RNF38: variants seen among roughly 807,000 people sequenced by gnomAD.
RNF38 encodes ring finger protein 38.
A neutral mutation model predicts 67.2 loss-of-function variants in RNF38; 15 were observed. That is an observed-to-expected ratio of 0.22 (90% CI 0.15 to 0.34). RNF38 has a LOEUF of 0.34. Among genes scored for constraint, RNF38 ranks in the 10% least tolerant of loss-of-function variants. The pLI is 1.00. For missense variants in RNF38, 524 were observed against 639.9 expected, an observed-to-expected ratio of 0.82 and a Z score of 1.95; for synonymous variants, 220 against 218.8, an observed-to-expected ratio of 1.01 and a Z score of -0.05.
At chr9:36,341,867 A>G (rs7025573) in intron 11 of RNF38, among the ~76,000 whole-genome samples, 1 of 2,552 alleles carries the variant, frequency 3.9e-4, no homozygotes, top group Admixed American at 6.8e-3. Flanking sequence ...TATATATATA[A>G]AGAAGCCCCT....
chr9:36,402,787 A>G (rs980776184), upstream of RNF38, among the ~76,000 whole-genome samples: 4 of 152,186 alleles, frequency 2.6e-5, no homozygotes, highest in African/African-American at 9.7e-5. Flanking sequence ...AAACCTCTCA[A>G]ATGGTTACGA....
chr9:36,437,091 C>A (rs897883663), intron 1 of RNF38, among the ~76,000 whole-genome samples: 1 of 152,086 alleles, frequency 6.6e-6, no homozygotes, highest in African/African-American at 2.4e-5. Context: ...GCCACTTGGG[C>A]TGCAGTGGCA....
chr9:36,356,554 T>C, intron 5 of RNF38, 81 bp from the exon 6 acceptor site: 1 of 1,178,048 alleles, frequency 8.5e-7, no homozygotes, highest in Non-Finnish European at 1.2e-6. Context: ...TTAAAATCTG[T>C]CATTGTCACA....
intron 1 of RNF38, among the ~76,000 whole-genome samples, chr9:36,395,708 A>G (rs1837463934): frequency 6.6e-6 from 1 of 152,274 alleles, no homozygotes; most frequent in Non-Finnish European, 1.5e-5. Context: ...ACAAATTATC[A>G]GGTTATATAC....
At chr9:36,342,260 T>C in intron 11 of RNF38, 65 bp downstream of exon 11, 1 of 1,145,064 alleles carries the variant, frequency 8.7e-7, no homozygotes, top group South Asian at 1.2e-5. Flanking sequence ...ATGAACTTAC[T>C]CTAATCCATG....
intron 6 of RNF38, 34 bp downstream of exon 6, chr9:36,356,269 C>T (rs2133560181): frequency 3.1e-6 from 5 of 1,606,124 alleles, no homozygotes; most frequent in Middle Eastern, 3.3e-4. Flanking sequence ...TAGTTAAAAA[C>T]TAAACATTCT....
intron 9 of RNF38, among the ~76,000 whole-genome samples, chr9:36,345,274 C>G (rs957410562): frequency 6.6e-6 from 1 of 152,210 alleles, no homozygotes; most frequent in Non-Finnish European, 1.5e-5. Context: ...ATCCATTACG[C>G]AGGTCAATAG....
intron 8 of RNF38, 67 bp from the exon 9 acceptor site, chr9:36,351,266 G>A (rs1587479214): frequency 1.9e-6 from 2 of 1,063,288 alleles, no homozygotes; most frequent in Non-Finnish European, 1.4e-6. Flanking sequence ...AGGACAGGGA[G>A]GACAGAGGCC....
chr9:36,392,079 T>C (rs1837157508), intron 1 of RNF38, among the ~76,000 whole-genome samples: 1 of 152,166 alleles, frequency 6.6e-6, no homozygotes, highest in South Asian at 2.1e-4. Flanking sequence ...GGCTAGATAG[T>C]AAGGAAGCAG....
chr9:36,466,278 A>G (rs1377684735), intron 1 of RNF38, among the ~76,000 whole-genome samples: 1 of 152,166 alleles, frequency 6.6e-6, no homozygotes, highest in East Asian at 1.9e-4. Flanking sequence ...ACTGCCAATG[A>G]GTGGAGGATT....
At chr9:36,473,344 T>C (rs1410829621) in intron 1 of RNF38, among the ~76,000 whole-genome samples, 2 of 150,634 alleles carry the variant, frequency 1.3e-5, no homozygotes, top group Non-Finnish European at 3.0e-5. Context: ...TCCCAACACT[T>C]TGGGAGGCCA....
At position 36,390,608 on chromosome 9, in the gene RNF38, G is replaced by C; in HGVS notation, c.21C>G (p.Pro7=). The change falls in exon 2 of 12, where the codon CCC becomes CCG. Residue 7 remains proline, a synonymous_variant. Coordinates refer to ENST00000259605, the MANE Select transcript of RNF38 (RefSeq NM_022781.5). Reference sequence around the variant, plus strand: ...CAGGTAGAGATGCTGAATTGGCCCCGGGAGATATCTGGGAAAAAGAGGAAG... The same window carrying C: ...CAGGTAGAGATGCTGAATTGGCCCCCGGAGATATCTGGGAAAAAGAGGAAG... MACKIS[P]GANSASLPGH... 3 of 1,613,942 alleles carry C rather than the reference G, an allele frequency of 1.9e-6. No homozygotes were observed. Among genetic ancestry groups the C allele is most frequent in the Non-Finnish European group, 2.5e-6 (3 of 1,179,902 alleles).
chr9:36,381,819 G>C (rs1245871895), intron 2 of RNF38, among the ~76,000 whole-genome samples: 1 of 152,132 alleles, frequency 6.6e-6, no homozygotes, highest in Non-Finnish European at 1.5e-5. Context: ...GACTGTAGTG[G>C]GTACATTTCC....
intron 2 of RNF38, among the ~76,000 whole-genome samples, chr9:36,408,965 T>C (rs541033360): frequency 6.6e-6 from 1 of 152,220 alleles, no homozygotes; most frequent in East Asian, 1.9e-4. Flanking sequence ...AGGGAGCGGA[T>C]CACTTGAAGT....
chr9:36,465,556 G>A (rs978495244), intron 1 of RNF38, among the ~76,000 whole-genome samples: 2 of 152,146 alleles, frequency 1.3e-5, no homozygotes, highest in Non-Finnish European at 2.9e-5. Flanking sequence ...TGTTGGTCAG[G>A]CTGGTCTCGA....
At chr9:36,389,033 G>T (rs747387421) in intron 2 of RNF38, among the ~76,000 whole-genome samples, 6 of 152,114 alleles carry the variant, frequency 3.9e-5, no homozygotes, top group Non-Finnish European at 7.4e-5. Context: ...TTTGCTTCAT[G>T]TCGAACAGTG....
At chr9:36,342,488 G>C (rs959090400) in intron 10 of RNF38, 64 bp from the exon 11 acceptor site, 5 of 974,136 alleles carry the variant, frequency 5.1e-6, no homozygotes, top group Non-Finnish European at 8.2e-6. Flanking sequence ...TATGACTACT[G>C]AAACCTACAA....
At chr9:36,370,688 T>A (rs910231601) in intron 3 of RNF38, among the ~76,000 whole-genome samples, 6 of 152,132 alleles carry the variant, frequency 3.9e-5, no homozygotes, top group African/African-American at 1.4e-4. Context: ...GGTGGATCCC[T>A]TGAGCCCAGG....
chr9:36,342,385 T>C lies in RNF38; in HGVS notation c.1425A>G (p.Leu475=), dbSNP rs769321023. 1 of 1,613,960 alleles carries C rather than the reference T, an allele frequency of 6.2e-7. No homozygotes were observed. The highest frequency in any genetic ancestry group is 2.2e-5 in the East Asian group (1 of 44,858). The change falls in exon 11 of 12, where the codon CTA becomes CTG. Residue 475 remains leucine, a synonymous_variant. Transcript: ENST00000259605. The part of the protein sequence containing the change: ...VCMCDFESRQ[L]LRVLPCNHEF... ...CGTGGTTACAGGGTAAGACTCTAAGTAGCTGCCTTGACTCAAAATCACACA... is the reference window on the plus strand; with the variant it reads ...CGTGGTTACAGGGTAAGACTCTAAGCAGCTGCCTTGACTCAAAATCACACA...
Sources: allele counts gnomAD v4.1 joint callset (sites outside exome capture counted in the v4.1 genomes callset), GRCh38; gene constraint gnomAD v4.1.1; transcripts MANE v1.5; gene names NCBI Gene and HGNC (gene_info 2026-07-23, HGNC 2026-07-21).